Variants in SYT12 observed in about 807,000 individuals in gnomAD.
SYT12 encodes the protein synaptotagmin-12.
In SYT12, 27 loss-of-function variants were observed where a neutral mutation model predicts 39.5. The observed-to-expected ratio is 0.68, with a 90% CI of 0.50 to 0.94. The LOEUF is 0.94. Among genes scored for constraint, SYT12 ranks in the 40% least tolerant of loss-of-function variants. SYT12 has a pLI of 0.00. For missense variants in SYT12, 536 were observed against 572.6 expected (o/e 0.94, Z 0.65); for synonymous variants, 233 against 239.7 (o/e 0.97, Z 0.26).
At chr11:67,029,956 C>G (rs1367646207) in intron 1 of SYT12, 166 bp from the exon 2 acceptor site, 5 of 593,722 alleles carry the variant, frequency 8.4e-6, no homozygotes, top group Non-Finnish European at 1.5e-5. Context: ...TTGAAAAGAG[C>G]TTTAAACATC....
chr11:67,015,948 C>T (rs1207299767), intron 3 of SYT12, among the ~76,000 whole-genome samples: 1 of 152,068 alleles, frequency 6.6e-6, no homozygotes, highest in Non-Finnish European at 1.5e-5. Flanking sequence ...ACTGGGAAGG[C>T]CAGTGGGCTC....
chr11:67,012,652 G>C (rs1248575383), intron 3 of SYT12, among the ~76,000 whole-genome samples: 1 of 152,200 alleles, frequency 6.6e-6, no homozygotes, highest in Non-Finnish European at 1.5e-5. Context: ...CTTGAAGTCA[G>C]CACTGGGGCT....
chr11:67,043,479 A>G (rs1369402458), intron 4 of SYT12, among the ~76,000 whole-genome samples, 159 bp from the exon 5 acceptor site: 1 of 152,138 alleles, frequency 6.6e-6, no homozygotes, highest in Admixed American at 6.6e-5. Context: ...AGGCTTTTAA[A>G]CCTTCAAGGC....
intron 3 of SYT12, among the ~76,000 whole-genome samples, chr11:67,013,127 G>A (rs1249834777): frequency 2.0e-5 from 3 of 152,200 alleles, no homozygotes; most frequent in African/African-American, 7.2e-5. Flanking sequence ...CGCAGAGTGG[G>A]GAGGAGCAGC....
intron 2 of SYT12, among the ~76,000 whole-genome samples, chr11:67,033,674 C>T (rs1950311092): frequency 6.6e-6 from 1 of 152,224 alleles, no homozygotes; most frequent in Non-Finnish European, 1.5e-5. Context: ...TCAGTTTCCT[C>T]ACTTGAATTG....
chr11:67,009,123 A>T (rs1409405826), intron 1 of SYT12, among the ~76,000 whole-genome samples: 1 of 152,030 alleles, frequency 6.6e-6, no homozygotes, highest in Non-Finnish European at 1.5e-5. Context: ...CCTCTACCTC[A>T]GCCTCCCGAG....
chr11:67,047,647 A>T (rs920767263), intron 7 of SYT12, among the ~76,000 whole-genome samples: 1 of 150,816 alleles, frequency 6.6e-6, no homozygotes, highest in African/African-American at 2.4e-5. Context: ...AAGGTCACAC[A>T]GCAAGGAAGT....
At chr11:67,044,566 C>T in intron 5 of SYT12, 27 bp from the exon 6 acceptor site, 2 of 1,608,766 alleles carry the variant, frequency 1.2e-6, no homozygotes, top group East Asian at 4.5e-5. Context: ...GGGGAGAAGC[C>T]CTCTGAGCCA....
At chr11:67,030,334 C>A in intron 2 of SYT12, 156 bp downstream of exon 2, 1 of 759,410 alleles carries the variant, frequency 1.3e-6, no homozygotes, top group Middle Eastern at 3.3e-4. Context: ...TCAGACAGCC[C>A]GCCCTGGGGA....
chr11:67,040,464 T>C (rs1950490147), intron 4 of SYT12, among the ~76,000 whole-genome samples: 1 of 152,166 alleles, frequency 6.6e-6, no homozygotes, highest in Non-Finnish European at 1.5e-5. Flanking sequence ...ACTGTCGTTG[T>C]CCACATCTGC....
chr11:67,043,521 G>A (rs1950553560), intron 4 of SYT12, 117 bp from the exon 5 acceptor site: 1 of 903,648 alleles, frequency 1.1e-6, no homozygotes, highest in Non-Finnish European at 1.7e-6. Context: ...GGCATTGAGG[G>A]TGTCAAGACA....
Position 67,009,314 on chromosome 11 carries a change from A to ATT in SYT12, c.-484-558_-484-557dup, listed in dbSNP as rs374861549. 4.8e-3 allele frequency among the ~76,000 whole-genome samples: 717 copies of ATT among 150,698 alleles called. 5 individuals are homozygous for ATT. The highest frequency in any genetic ancestry group is 0.016 in the African/African-American group (664 of 40,958). Reference sequence around the variant, plus strand: ...AGCCACTGTGCCCCGACCTTGATTGATTTTTTTTCTTTTTTTTGAAAAAGG... The same window carrying ATT: ...AGCCACTGTGCCCCGACCTTGATTGATTTTTTTTTTCTTTTTTTTGAAAAAGG... On this transcript the variant is annotated intron_variant, in intron 1 of 10. Coordinates refer to the SYT12 transcript ENST00000393946.
Position 67,034,763 on chromosome 11 carries a change from C to G in SYT12, c.153C>G (p.Pro51=). Residue 51 remains proline, a synonymous_variant, in exon 3 of 8, where the codon CCC becomes CCG. Transcript: ENST00000527043. Reference sequence around the variant, plus strand: ...GGACGTCGGGGAGCTTCCCCAGCCCCTCTCCGTTCCCCAATTACGACTACA... The same window carrying G: ...GGACGTCGGGGAGCTTCCCCAGCCCGTCTCCGTTCCCCAATTACGACTACA... ...KLWTSGSFPS[P]SPFPNYDYRY... 1 of 1,603,026 alleles carries G rather than the reference C, an allele frequency of 6.2e-7. No homozygotes were observed. The highest frequency in any genetic ancestry group is 8.5e-7 in the Non-Finnish European group (1 of 1,176,048).
At chr11:67,016,389 A>G (rs923410555) in intron 3 of SYT12, among the ~76,000 whole-genome samples, 1 of 152,084 alleles carries the variant, frequency 6.6e-6, no homozygotes, top group Admixed American at 6.5e-5. Context: ...GGCAGAGAGA[A>G]ATTTGGGGAG....
rs1202597278 is a variant in SYT12, at chr11:67,037,897, G to GA, written c.229-1903dup. 6.7e-4 allele frequency among the ~76,000 whole-genome samples: 91 copies of GA among 135,966 alleles called. 1 individual carries two copies. The East Asian group carries it at 9.4e-3, about 14-fold the overall frequency. 89.2% of individuals were successfully genotyped at this position (135,966 alleles called of 152,430 possible). A position where few individuals can be genotyped will look rare whatever the true frequency, so the allele number is the denominator to read the frequency against. On this transcript the variant is annotated intron_variant, in intron 3 of 7. Coordinates refer to ENST00000527043, the MANE Select transcript of SYT12 (RefSeq NM_177963.4). ...GCTCCCCCTCAGAAAAAAAAAAAAA[G>GA]AAAAAAAAAAAGCCAGGTGTAGTAG... is the stretch of plus-strand genomic sequence containing the variant.
chr11:67,030,023 G>A, intron 1 of SYT12, 99 bp from the exon 2 acceptor site: 1 of 1,066,296 alleles, frequency 9.4e-7, no homozygotes, highest in Non-Finnish European at 1.4e-6. Context: ...CTGAGTGTAA[G>A]CTCTGGATGA....
In SYT12 at chr11:67,043,766, C is replaced by G; in HGVS notation, c.750C>G (p.Ser250Arg). Residue 250 changes from serine (S) to arginine (R), a missense_variant, in exon 5 of 8, where the codon AGC becomes AGG. Ser to Arg is a moderately radical substitution (Grantham distance 110). Coordinates refer to ENST00000527043, the MANE Select transcript of SYT12 (RefSeq NM_177963.4). ...FGIDEDERNV[S>R]TGVVELKLSV... is the part of the protein sequence containing the mutation. ...TCGATGAGGATGAGCGCAACGTCAG[C>G]ACGGGGGTGGTGGAGCTGAAGCTTT... 1 of 1,614,150 alleles carries G rather than the reference C, an allele frequency of 6.2e-7. No individual in the cohort carries two copies. The highest frequency in any genetic ancestry group is 8.5e-7 in the Non-Finnish European group (1 of 1,180,038).
intron 3 of SYT12, among the ~76,000 whole-genome samples, chr11:67,035,790 T>TTCCTTCCTTCC (rs1555066136): frequency 1.4e-5 from 1 of 73,172 alleles, no homozygotes; most frequent in Non-Finnish European, 2.7e-5. Context: ...TTTTCTTTTC[T>TTCCTTCCTTCC]TTCCTTCCTT....
chr11:67,045,726 C>T lies in SYT12; in HGVS notation c.959-18C>T, dbSNP rs779733991. The T allele has an allele frequency of 6.2e-6, 10 of 1,612,126 alleles. No homozygotes were observed. Among genetic ancestry groups the T allele is most frequent in the African/African-American group, 1.3e-5 (1 of 75,010 alleles). On this transcript the variant is annotated intron_variant, in intron 6 of 7. Transcript: ENST00000527043. ...GAGTGAGTGTGACACTGGCCCTCACCTGTCCGCCTGCCCACAGACCCCTTC... is the reference window on the plus strand; with the variant it reads ...GAGTGAGTGTGACACTGGCCCTCACTTGTCCGCCTGCCCACAGACCCCTTC...
Sources: gnomAD v4.1 joint callset for allele counts (sites outside exome capture counted in the v4.1 genomes callset) on GRCh38, gnomAD v4.1.1 for gene constraint, MANE v1.5 for transcripts, NCBI Gene and HGNC (gene_info 2026-07-23, HGNC 2026-07-21) for gene names.